Variants in MME observed in about 807,000 individuals in gnomAD.
The protein encoded by MME is membrane metalloendopeptidase.
MME carries 98 observed loss-of-function variants against 113.2 expected under a neutral mutation model. The ratio of observed to expected loss-of-function variants is 0.87; its 90% CI spans 0.74 to 1.02. The LOEUF (loss-of-function observed/expected upper bound fraction) is 1.02. Among genes scored for constraint, MME ranks in the 50% least tolerant of loss-of-function variants. MME has a pLI of 0.00. For synonymous variants in MME, 292 were observed against 300.6 expected (o/e 0.97, Z 0.30); for missense variants, 836 against 896.0 (o/e 0.93, Z 0.86).
intron 20 of MME, among the ~76,000 whole-genome samples, chr3:155,171,097 C>T (rs1711889673): frequency 6.6e-6 from 1 of 152,114 alleles, no homozygotes; most frequent in Non-Finnish European, 1.5e-5. Flanking sequence ...CTATAAAATC[C>T]AGCCAAAGTT....
chr3:155,176,373 A>G (rs914974389), intron 22 of MME, among the ~76,000 whole-genome samples: 6 of 152,214 alleles, frequency 3.9e-5, no homozygotes, highest in Admixed American at 6.5e-5. Flanking sequence ...AATAATTAAT[A>G]AAAGCTTTAT....
At chr3:155,154,802 T>C (rs1722195058) in intron 16 of MME, among the ~76,000 whole-genome samples, 1 of 152,144 alleles carries the variant, frequency 6.6e-6, no homozygotes, top group Non-Finnish European at 1.5e-5. Flanking sequence ...AAGTTGATAG[T>C]CTCTCGAGGG....
At chr3:155,176,659 C>G (rs370605274) in intron 22 of MME, among the ~76,000 whole-genome samples, 3 of 152,108 alleles carry the variant, frequency 2.0e-5, no homozygotes, top group South Asian at 4.2e-4. Flanking sequence ...GACCTCGTCT[C>G]TATTAAAAAC....
Position 155,172,164 on chromosome 3 carries a change from T to G in MME, c.2028T>G (p.Pro676=). 6.2e-7 allele frequency: 1 copy of G among 1,612,244 alleles called. No homozygotes were observed. The highest frequency in any genetic ancestry group is 8.5e-7 in the Non-Finnish European group (1 of 1,178,548). Residue 676 remains proline, a synonymous_variant, in exon 21 of 23, where the codon CCT becomes CCG. Transcript: ENST00000360490. ...IKKNGEEKLL[P]GLDLNHKQLF... ...AGAATGGCGAAGAAAAATTACTTCC[T>G]GGACTTGACCTAAATCACAAACAAC...
intron 1 of MME, among the ~76,000 whole-genome samples, chr3:155,056,026 T>C (rs1713915126): frequency 6.6e-6 from 1 of 152,098 alleles, no homozygotes; most frequent in African/African-American, 2.4e-5. Context: ...CAACTGCCAC[T>C]ATCCACCCCA....
chr3:155,049,549 A>C (rs1044364598), intron 1 of MME, among the ~76,000 whole-genome samples: 2 of 152,172 alleles, frequency 1.3e-5, no homozygotes, highest in African/African-American at 4.8e-5. Context: ...TGGTGGAAAT[A>C]TGAATGTTAA....
intron 7 of MME, among the ~76,000 whole-genome samples, chr3:155,117,964 G>A (rs1427246444): frequency 6.6e-6 from 1 of 152,146 alleles, no homozygotes; most frequent in Non-Finnish European, 1.5e-5. Flanking sequence ...CCACACTCAT[G>A]TTGCCATGCA....
intron 6 of MME, 32 bp downstream of exon 6, chr3:155,116,791 T>C (rs1718650893): frequency 1.9e-6 from 3 of 1,589,622 alleles, no homozygotes; most frequent in African/African-American, 1.3e-5. Flanking sequence ...AAAAGAAATT[T>C]CCATGTAAAA....
intron 1 of MME, among the ~76,000 whole-genome samples, chr3:155,024,978 A>AT (rs146494365): frequency 0.021 from 3,264 of 152,258 alleles, 114 homozygotes; most frequent in African/African-American, 0.069. Flanking sequence ...AAAAAGTGTG[A>AT]TTTTTTCAAC....
intron 8 of MME, among the ~76,000 whole-genome samples, chr3:155,122,176 T>G (rs1719206879): frequency 6.7e-6 from 1 of 150,034 alleles, no homozygotes; most frequent in Admixed American, 6.6e-5. Context: ...ATTTATCCAT[T>G]TCTTCTAGAT....
At chr3:155,121,428 C>T (rs1291092504) in intron 8 of MME, among the ~76,000 whole-genome samples, 1 of 150,860 alleles carries the variant, frequency 6.6e-6, no homozygotes, top group African/African-American at 2.4e-5. Context: ...TGCCTAATTG[C>T]CCTGGCCAGA....
chr3:155,068,210 TA>T (rs1288349621), intron 1 of MME, among the ~76,000 whole-genome samples: 4 of 152,196 alleles, frequency 2.6e-5, no homozygotes, highest in African/African-American at 9.7e-5. Flanking sequence ...TATAAAATTC[TA>T]GAAAATGCAA....
chr3:155,031,989 A>G (rs1181596149), intron 1 of MME, among the ~76,000 whole-genome samples: 1 of 152,206 alleles, frequency 6.6e-6, no homozygotes, highest in Non-Finnish European at 1.5e-5. Context: ...AAACATGCAG[A>G]TAAACTAATG....
At chr3:155,081,811 T>C (rs1325017877) in intron 1 of MME, 1 of 152,118 alleles carries the variant, frequency 6.6e-6, no homozygotes, top group Non-Finnish European at 1.5e-5. Flanking sequence ...AACGACAAAG[T>C]TAATTAGGAG....
chr3:155,070,586 A>C (rs1172742822), intron 1 of MME, among the ~76,000 whole-genome samples: 1 of 152,216 alleles, frequency 6.6e-6, no homozygotes, highest in Admixed American at 6.5e-5. Context: ...TTGGTACGGT[A>C]TAAAGCATAA....
At chr3:155,178,046 TG>T (rs1317276911) in intron 22 of MME, among the ~76,000 whole-genome samples, 1 of 152,138 alleles carries the variant, frequency 6.6e-6, no homozygotes, top group Admixed American at 6.6e-5. Flanking sequence ...CTCGGGGCCT[TG>T]CTCAGAGCAG....
intron 7 of MME, among the ~76,000 whole-genome samples, chr3:155,118,216 T>C (rs16824574): frequency 0.018 from 2,717 of 152,244 alleles, 74 homozygotes; most frequent in African/African-American, 0.061. Flanking sequence ...TTACATTAGC[T>C]AAAAGATTCT....
intron 3 of MME, among the ~76,000 whole-genome samples, chr3:155,113,924 C>T (rs1331203444): frequency 6.6e-6 from 1 of 152,070 alleles, no homozygotes; most frequent in African/African-American, 2.4e-5. Context: ...TCCTGAGGTT[C>T]CAGACAAGCA....
At chr3:155,172,682 A>T (rs1267240330) in intron 22 of MME, 70 bp downstream of exon 22, 37 of 1,127,670 alleles carry the variant, frequency 3.3e-5, no homozygotes, top group Non-Finnish European at 5.0e-5. Context: ...TGGAATTTAG[A>T]CTTTTCTAAC....
Sources: allele counts gnomAD v4.1 joint callset (sites outside exome capture counted in the v4.1 genomes callset), GRCh38; gene constraint gnomAD v4.1.1; transcripts MANE v1.5; gene names NCBI Gene and HGNC (gene_info 2026-07-23, HGNC 2026-07-21).